OSBP2: variants seen among roughly 807,000 people sequenced by gnomAD.
OSBP2 encodes oxysterol binding protein 2.
A neutral mutation model predicts 96.0 loss-of-function variants in OSBP2; 66 were observed. The observed-to-expected ratio is 0.69, with a 90% CI of 0.56 to 0.84. OSBP2 has a LOEUF of 0.84. Ranked by LOEUF, OSBP2 falls within the 40% of genes least tolerant of loss-of-function variation. OSBP2 has a pLI of 0.00. For synonymous variants in OSBP2, 525 were observed against 520.9 expected, an observed-to-expected ratio of 1.01 and a Z score of -0.11; for missense variants, 1,038 against 1,222.7, an observed-to-expected ratio of 0.85 and a Z score of 2.25.
At chr22:30,752,547 C>T (rs937248023) in intron 2 of OSBP2, among the ~76,000 whole-genome samples, 1 of 151,878 alleles carries the variant, frequency 6.6e-6, no homozygotes, top group Non-Finnish European at 1.5e-5. Flanking sequence ...GCCTTGGCCT[C>T]CCAAAGTGCT....
At chr22:30,739,053 G>A (rs2089896978) in intron 1 of OSBP2, among the ~76,000 whole-genome samples, 1 of 152,260 alleles carries the variant, frequency 6.6e-6, no homozygotes, top group Middle Eastern at 3.4e-3. Context: ...ACCCTTCATG[G>A]GAAAAGATTT....
intron 1 of OSBP2, among the ~76,000 whole-genome samples, chr22:30,698,673 C>T (rs1178993887): frequency 2.0e-5 from 3 of 152,016 alleles, no homozygotes; most frequent in African/African-American, 2.4e-5. Context: ...CTCCTGACTT[C>T]GTGATCTGCC....
At chr22:30,844,417 T>C (rs2038825841) in intron 2 of OSBP2, 1 of 152,544 alleles carries the variant, frequency 6.6e-6, no homozygotes, top group Non-Finnish European at 1.5e-5. Flanking sequence ...TTATCTTAGC[T>C]AGATCTTTTG....
intron 2 of OSBP2, among the ~76,000 whole-genome samples, chr22:30,778,170 CT>C (rs71202014): frequency 0.057 from 3,807 of 67,018 alleles, 193 homozygotes; most frequent in African/African-American, 0.22. Flanking sequence ...AATTTTTGCC[CT>C]TTTTTTTTTT....
Position 30,870,490 on chromosome 22 carries a change from C to A in OSBP2, c.915C>A (p.Thr305=). The A allele has an allele frequency of 6.2e-7, 1 of 1,614,092 alleles. No individual in the cohort carries two copies. Among genetic ancestry groups the A allele is most frequent in the Non-Finnish European group, 8.5e-7 (1 of 1,180,026 alleles). Residue 305 remains threonine, a synonymous_variant, in exon 3 of 14, where the codon ACC becomes ACA. Transcript: ENST00000332585. This position sits in a 1 kb window ranked among gnomAD's most constrained non-coding sequence, Gnocchi z 4.1. ...CCGACAAGAGCGAGCTGCACCACAC[C>A]CTGAAGAATCTTTCCCTGAAGTTAG... is the stretch of plus-strand genomic sequence containing the variant. ...TPADKSELHH[T]LKNLSLKLDD... is the part of the protein sequence containing the mutation.
At chr22:30,744,985 G>A (rs75541564) in intron 2 of OSBP2, among the ~76,000 whole-genome samples, 11 of 152,240 alleles carry the variant, frequency 7.2e-5, no homozygotes, top group South Asian at 4.1e-4. Flanking sequence ...TTTTCTGACC[G>A]CAGTGGAATG....
intron 2 of OSBP2, among the ~76,000 whole-genome samples, chr22:30,742,630 T>C (rs2089954757): frequency 6.6e-6 from 1 of 152,216 alleles, no homozygotes; most frequent in Admixed American, 6.5e-5. Flanking sequence ...TTTAGCAATA[T>C]GTCTTGGAAA....
intron 2 of OSBP2, among the ~76,000 whole-genome samples, chr22:30,801,103 T>A (rs136270): frequency 0.19 from 29,004 of 152,154 alleles, 2,847 homozygotes; most frequent in Middle Eastern, 0.24. Context: ...AGGAAATGCA[T>A]AAAGACTTGT....
At chr22:30,802,622 C>A (rs966757479) in intron 2 of OSBP2, among the ~76,000 whole-genome samples, 2 of 152,238 alleles carry the variant, frequency 1.3e-5, no homozygotes, top group Non-Finnish European at 2.9e-5. Context: ...GCCTGCGTCC[C>A]GCCACGGAGA....
At chr22:30,735,026 A>G (rs2089828842) in intron 1 of OSBP2, among the ~76,000 whole-genome samples, 1 of 152,126 alleles carries the variant, frequency 6.6e-6, no homozygotes, top group African/African-American at 2.4e-5. Flanking sequence ...CCTTGTCTCT[A>G]CCAAAAACAA....
At chr22:30,754,371 C>T (rs1474542687) in intron 2 of OSBP2, among the ~76,000 whole-genome samples, 1 of 152,200 alleles carries the variant, frequency 6.6e-6, no homozygotes, top group Non-Finnish European at 1.5e-5. Flanking sequence ...CCTCAGCAGG[C>T]TTTGATTGGT....
At chr22:30,705,529 A>G (rs2089239129) in intron 1 of OSBP2, among the ~76,000 whole-genome samples, 1 of 152,032 alleles carries the variant, frequency 6.6e-6, no homozygotes, top group Non-Finnish European at 1.5e-5. Context: ...CCGACTTCAC[A>G]TGATCCACCT....
intron 2 of OSBP2, among the ~76,000 whole-genome samples, chr22:30,814,086 C>G (rs1232963256): frequency 6.6e-6 from 1 of 152,066 alleles, no homozygotes; most frequent in Admixed American, 6.5e-5. Context: ...ACCACCATGC[C>G]CGGCCCCAGA....
At chr22:30,769,747 A>C (rs2090323778) in intron 2 of OSBP2, among the ~76,000 whole-genome samples, 1 of 152,322 alleles carries the variant, frequency 6.6e-6, no homozygotes, top group African/African-American at 2.4e-5. Context: ...CGTCATCACT[A>C]CCATTCCAGG....
At chr22:30,739,148 G>A (rs148198880) in intron 1 of OSBP2, among the ~76,000 whole-genome samples, 8 of 152,220 alleles carry the variant, frequency 5.3e-5, no homozygotes, top group East Asian at 3.9e-4. Flanking sequence ...TCCGTTTTCC[G>A]ACATTGATTG....
rs567519043 is a variant in OSBP2 at position 30,802,893 on chromosome 22, C to T, written c.853+61524C>T. Among the ~76,000 whole-genome samples the T allele has an allele frequency of 2.0e-5, 3 of 152,234 alleles. No individual in the cohort carries two copies. The East Asian group carries it at 5.8e-4, about 29-fold the overall frequency. On this transcript the variant is annotated intron_variant, in intron 2 of 13. Coordinates refer to ENST00000332585, the MANE Select transcript of OSBP2 (RefSeq NM_030758.4). The stretch of plus-strand genomic sequence containing the variant: ...CGGGCGGAGCGGGCGCACGGCTCCT[C>T]TAGGTCCGGCTGCTCTCTGAGCTCG...
chr22:30,843,444 T>TCCC (rs35971934), intron 2 of OSBP2, among the ~76,000 whole-genome samples: 99 of 120,556 alleles, frequency 8.2e-4, no homozygotes, highest in East Asian at 4.4e-3. Context: ...CAGGAATCTT[T>TCCC]CCCCCCTCCC....
intron 1 of OSBP2, among the ~76,000 whole-genome samples, chr22:30,725,556 A>AC (rs398036851): frequency 2.6e-4 from 39 of 147,310 alleles, no homozygotes; most frequent in East Asian, 4.0e-4. Context: ...AAAAAAAAAA[A>AC]CACACAAAAA....
At chr22:30,780,297 T>C (rs1189430163) in intron 2 of OSBP2, among the ~76,000 whole-genome samples, 1 of 152,194 alleles carries the variant, frequency 6.6e-6, no homozygotes, top group East Asian at 1.9e-4. Flanking sequence ...GAAGATCCAG[T>C]AGCATGTCCT....
Sources: allele counts gnomAD v4.1 joint callset (sites outside exome capture counted in the v4.1 genomes callset), GRCh38; gene constraint gnomAD v4.1.1; non-coding constraint Gnocchi (gnomAD v3.1); transcripts MANE v1.5; gene names NCBI Gene and HGNC (gene_info 2026-07-23, HGNC 2026-07-21).